Variants in PPP1R42 observed in about 807,000 individuals in gnomAD.
PPP1R42 encodes the protein leucine rich repeat containing 67.
Under a neutral mutation model 31.0 loss-of-function variants are expected in PPP1R42, and 34 were observed. The observed-to-expected ratio is 1.10, with a 90% CI of 0.83 to 1.46. The LOEUF is 1.46. Ranked by LOEUF, PPP1R42 falls within the 40% of genes most tolerant of loss-of-function variation. The pLI is 0.00. For missense variants in PPP1R42, 268 were observed against 303.0 expected (o/e 0.88, Z 0.86); for synonymous variants, 103 against 109.8 (o/e 0.94, Z 0.39).
intron 7 of PPP1R42, among the ~76,000 whole-genome samples, chr8:66,972,274 A>T (rs780417391): frequency 5.3e-5 from 8 of 152,162 alleles, no homozygotes; most frequent in Non-Finnish European, 1.2e-4. Flanking sequence ...GGCAAAGGGG[A>T]GGGAGGACCT....
At chr8:67,011,048 C>T (rs911730009) in intron 4 of PPP1R42, among the ~76,000 whole-genome samples, 1 of 151,708 alleles carries the variant, frequency 6.6e-6, no homozygotes, top group East Asian at 1.9e-4. Flanking sequence ...CCCGTTCTCC[C>T]TATAATTCCT....
chr8:66,971,111 G>A, intron 7 of PPP1R42: 1 of 1,530,928 alleles, frequency 6.5e-7, no homozygotes, highest in Non-Finnish European at 8.7e-7. Flanking sequence ...TAATAAACAG[G>A]AACTATATGA....
chr8:66,980,103 C>T (rs753874314), intron 7 of PPP1R42, among the ~76,000 whole-genome samples: 3 of 152,142 alleles, frequency 2.0e-5, no homozygotes, highest in Non-Finnish European at 4.4e-5. Flanking sequence ...GGAAAAATAC[C>T]TTCTGACTAT....
chr8:66,970,705 T>G (rs1814513796), intron 7 of PPP1R42: 2 of 424,000 alleles, frequency 4.7e-6, no homozygotes, highest in African/African-American at 4.1e-5. Context: ...ACCTACTGCC[T>G]CTGGGACTTT....
At chr8:66,968,495 T>C in intron 7 of PPP1R42, 1 of 984,526 alleles carries the variant, frequency 1.0e-6, no homozygotes, top group Non-Finnish European at 1.2e-6. Flanking sequence ...TAGGGACACG[T>C]CTGCTGATGC....
At chr8:66,967,386 C>G (rs1814413722) in intron 7 of PPP1R42, among the ~76,000 whole-genome samples, 1 of 152,086 alleles carries the variant, frequency 6.6e-6, no homozygotes, top group Non-Finnish European at 1.5e-5. Flanking sequence ...AGCATTATAC[C>G]TACATTACTG....
intron 1 of PPP1R42, among the ~76,000 whole-genome samples, chr8:67,019,474 G>A (rs1261257135): frequency 1.3e-5 from 2 of 149,942 alleles, no homozygotes; most frequent in Non-Finnish European, 3.0e-5. Context: ...TCCTGACCTC[G>A]TGATCCACCC....
At chr8:66,990,648 G>A (rs1262763660) in intron 5 of PPP1R42, among the ~76,000 whole-genome samples, 2 of 152,144 alleles carry the variant, frequency 1.3e-5, no homozygotes, top group African/African-American at 2.4e-5. Flanking sequence ...CTAGGCGTCT[G>A]CAGCACAGCA....
intron 5 of PPP1R42, 65 bp downstream of exon 5, chr8:67,010,650 T>C (rs1314401882): frequency 8.8e-7 from 1 of 1,140,578 alleles, no homozygotes; most frequent in African/African-American, 1.6e-5. Flanking sequence ...TTATAGCTAT[T>C]ACAAAACATT....
chr8:66,990,060 A>G (rs1585652308), intron 5 of PPP1R42, among the ~76,000 whole-genome samples: 1 of 152,238 alleles, frequency 6.6e-6, no homozygotes, highest in African/African-American at 2.4e-5. Context: ...TAAGAAAGTT[A>G]TCTTCATAAA....
At chr8:66,988,262 T>C (rs1267558582) in intron 6 of PPP1R42, 138 bp downstream of exon 6, 1 of 1,268,240 alleles carries the variant, frequency 7.9e-7, no homozygotes. Context: ...TTGCTCTTAT[T>C]CAAAATATTG....
At chr8:66,977,851 G>T (rs889755896) in intron 7 of PPP1R42, among the ~76,000 whole-genome samples, 1 of 151,876 alleles carries the variant, frequency 6.6e-6, no homozygotes, top group East Asian at 1.9e-4. Flanking sequence ...GTCTTGCTTT[G>T]TTGCCCAGGC....
chr8:66,970,627 G>A (rs185363746), intron 7 of PPP1R42, among the ~76,000 whole-genome samples: 4 of 152,264 alleles, frequency 2.6e-5, no homozygotes, highest in Non-Finnish European at 5.9e-5. Context: ...CCACCCACTG[G>A]TGGACTAGTC....
At chr8:67,015,867 C>A (rs1816002824) in intron 2 of PPP1R42, among the ~76,000 whole-genome samples, 1 of 152,182 alleles carries the variant, frequency 6.6e-6, no homozygotes, top group Admixed American at 6.5e-5. Flanking sequence ...TCATTAACTT[C>A]TTTTAAAATA....
chr8:67,010,777 A>G lies in PPP1R42; in HGVS notation c.490T>C (p.Leu164=). 1 of 1,607,868 alleles carries G rather than the reference A, an allele frequency of 6.2e-7. No individual in the cohort carries two copies. The highest frequency in any genetic ancestry group is 8.5e-7 in the Non-Finnish European group (1 of 1,177,568). The part of the protein sequence containing the change: ...SNNNIDDITD[L]ELLENLNQLI... The stretch of plus-strand genomic sequence containing the variant: ...TGATTAAGATTCTCTAGTAGTTCTA[A>G]GTCTGTAATGTCATCAATATTATTA... Residue 164 remains leucine (L), a synonymous_variant, in exon 5 of 8, where the codon TTA becomes CTA. Transcript: ENST00000685739.
chr8:67,011,284 T>C (rs1193936261), intron 4 of PPP1R42, among the ~76,000 whole-genome samples: 1 of 152,190 alleles, frequency 6.6e-6, no homozygotes, highest in Non-Finnish European at 1.5e-5. Context: ...CTCAGCACTT[T>C]AGGAGGTGAA....
intron 6 of PPP1R42, chr8:66,984,151 A>G: frequency 6.3e-7 from 1 of 1,592,820 alleles, no homozygotes. Context: ...TGGACTCTAC[A>G]CAGATTCACT....
At chr8:66,988,029 T>C (rs1563419411) in intron 6 of PPP1R42, 2 of 526,134 alleles carry the variant, frequency 3.8e-6, no homozygotes, top group Non-Finnish European at 4.9e-6. Flanking sequence ...ATGAAAACTT[T>C]GATCAATTTT....
intron 1 of PPP1R42, among the ~76,000 whole-genome samples, chr8:67,022,514 A>G (rs1816253569): frequency 6.6e-6 from 1 of 152,088 alleles, no homozygotes; most frequent in Admixed American, 6.6e-5. Flanking sequence ...AAAAAACAGA[A>G]GCTTTACTTT....
Sources: gnomAD v4.1 joint callset for allele counts (sites outside exome capture counted in the v4.1 genomes callset) on GRCh38, gnomAD v4.1.1 for gene constraint, MANE v1.5 for transcripts, NCBI Gene and HGNC (gene_info 2026-07-23, HGNC 2026-07-21) for gene names.